ZFPM2: variants seen among roughly 807,000 people sequenced by gnomAD.
ZFPM2 encodes the protein zinc finger protein, FOG family member 2.
In ZFPM2, 20 loss-of-function variants were observed where a neutral mutation model predicts 98.6. That is an observed-to-expected ratio of 0.20 (90% CI 0.14 to 0.29). ZFPM2 has a LOEUF of 0.29. Ranked by LOEUF, ZFPM2 falls within the 10% of genes least tolerant of loss-of-function variation. The pLI is 1.00. For synonymous variants in ZFPM2, 518 were observed against 502.7 expected, an observed-to-expected ratio of 1.03 and a Z score of -0.41; for missense variants, 1,310 against 1,388.6, an observed-to-expected ratio of 0.94 and a Z score of 0.90.
chr8:105,613,483 C>A (rs765598017), intron 4 of ZFPM2, among the ~76,000 whole-genome samples: 4 of 151,960 alleles, frequency 2.6e-5, no homozygotes, highest in Non-Finnish European at 5.9e-5. Context: ...AATACAGGAA[C>A]AATTTTGCAA....
chr8:105,790,140 T>A (rs1319239596), intron 6 of ZFPM2, among the ~76,000 whole-genome samples: 4 of 151,786 alleles, frequency 2.6e-5, no homozygotes, highest in Admixed American at 1.3e-4. Context: ...TTTTGGTGTT[T>A]TAGACATGAA....
intron 3 of ZFPM2, among the ~76,000 whole-genome samples, chr8:105,554,199 T>C (rs1348208863): frequency 6.6e-6 from 1 of 152,168 alleles, no homozygotes; most frequent in African/African-American, 2.4e-5. Flanking sequence ...GATGGATCAA[T>C]ATAGCATAAT....
intron 3 of ZFPM2, among the ~76,000 whole-genome samples, chr8:105,538,638 T>A (rs1814512273): frequency 6.8e-6 from 1 of 147,616 alleles, no homozygotes; most frequent in Admixed American, 6.8e-5. Flanking sequence ...TATTATGGGC[T>A]TTTTTTTTTA....
chr8:105,744,032 T>G (rs1189054741), intron 5 of ZFPM2, among the ~76,000 whole-genome samples: 1 of 152,086 alleles, frequency 6.6e-6, no homozygotes, highest in Non-Finnish European at 1.5e-5. Context: ...TCAAATTAAG[T>G]AAACCTTAAA....
At chr8:105,406,992 T>TG (rs532181920) in intron 1 of ZFPM2, among the ~76,000 whole-genome samples, 59 of 151,942 alleles carry the variant, frequency 3.9e-4, no homozygotes, top group African/African-American at 1.4e-3. Context: ...AGGAAGGTGG[T>TG]GTGGTATGAT....
chr8:105,459,582 A>G (rs1479976182), intron 3 of ZFPM2, among the ~76,000 whole-genome samples: 1 of 152,130 alleles, frequency 6.6e-6, no homozygotes, highest in African/African-American at 2.4e-5. Context: ...GGAAGTCCAA[A>G]ATCAAGGTAT....
intron 4 of ZFPM2, among the ~76,000 whole-genome samples, chr8:105,609,229 A>G (rs1195644224): frequency 1.3e-5 from 2 of 152,096 alleles, no homozygotes; most frequent in Non-Finnish European, 2.9e-5. Flanking sequence ...GATGGGTTCA[A>G]ACTGGTAGAG....
At chr8:105,713,933 T>C (rs755741618) in intron 5 of ZFPM2, among the ~76,000 whole-genome samples, 4 of 152,098 alleles carry the variant, frequency 2.6e-5, no homozygotes, top group Non-Finnish European at 4.4e-5. Flanking sequence ...TTGCTTTGGC[T>C]ACTTGGGCTC....
intron 5 of ZFPM2, among the ~76,000 whole-genome samples, chr8:105,727,524 C>T (rs1811840829): frequency 6.6e-6 from 1 of 151,576 alleles, no homozygotes; most frequent in Non-Finnish European, 1.5e-5. Context: ...ATTATGCAAC[C>T]AGTAGTTTTA....
intron 3 of ZFPM2, among the ~76,000 whole-genome samples, chr8:105,491,727 G>T (rs1255378848): frequency 6.6e-6 from 1 of 152,046 alleles, no homozygotes; most frequent in Non-Finnish European, 1.5e-5. Flanking sequence ...AAGATTTTCT[G>T]TTTTTTTCCC....
At chr8:105,428,722 CGA>C (rs1811960838) in intron 2 of ZFPM2, among the ~76,000 whole-genome samples, 1 of 151,902 alleles carries the variant, frequency 6.6e-6, no homozygotes, top group Non-Finnish European at 1.5e-5. Flanking sequence ...AAATAAAAAA[CGA>C]AGAAAGGAAG....
chr8:105,492,989 A>T (rs1813386679), intron 3 of ZFPM2, among the ~76,000 whole-genome samples: 1 of 152,066 alleles, frequency 6.6e-6, no homozygotes, highest in Non-Finnish European at 1.5e-5. Context: ...TTTGTCATTG[A>T]CTCAGTTTTG....
At chr8:105,346,590 CTT>C (rs1812541578) in intron 1 of ZFPM2, among the ~76,000 whole-genome samples, 1 of 152,074 alleles carries the variant, frequency 6.6e-6, no homozygotes, top group Admixed American at 6.5e-5. Context: ...GGAAGGAAAA[CTT>C]TCATTGAGAG....
At chr8:105,552,905 G>C (rs1196850067) in intron 3 of ZFPM2, among the ~76,000 whole-genome samples, 2 of 150,616 alleles carry the variant, frequency 1.3e-5, no homozygotes, top group East Asian at 3.9e-4. Flanking sequence ...TCCCCCCCGG[G>C]CTCAAGCAAT....
intron 4 of ZFPM2, among the ~76,000 whole-genome samples, chr8:105,589,328 A>G (rs999250703): frequency 1.3e-5 from 2 of 152,224 alleles, no homozygotes; most frequent in Non-Finnish European, 2.9e-5. Flanking sequence ...GCACATAACA[A>G]TACATTTCTC....
intron 1 of ZFPM2, among the ~76,000 whole-genome samples, chr8:105,360,433 C>T (rs1812834223): frequency 6.6e-6 from 1 of 152,032 alleles, no homozygotes; most frequent in African/African-American, 2.4e-5. Flanking sequence ...GCAGATATAA[C>T]ATAGCTTGTT....
At chr8:105,465,787 C>T (rs1187349314) in intron 3 of ZFPM2, among the ~76,000 whole-genome samples, 1 of 151,888 alleles carries the variant, frequency 6.6e-6, no homozygotes, top group Non-Finnish European at 1.5e-5. Context: ...GATTAGCTAG[C>T]CACTTCATCT....
chr8:105,650,660 G>C (rs1209495225), intron 5 of ZFPM2, among the ~76,000 whole-genome samples: 1 of 152,196 alleles, frequency 6.6e-6, no homozygotes, highest in Non-Finnish European at 1.5e-5. Flanking sequence ...GGAGCAGGTT[G>C]TTCAGTTTCC....
chr8:105,692,439 A>C (rs1395950853), intron 5 of ZFPM2, among the ~76,000 whole-genome samples: 1 of 152,228 alleles, frequency 6.6e-6, no homozygotes, highest in Non-Finnish European at 1.5e-5. Context: ...AATTTTAAAG[A>C]CCACTGGCAT....
Sources: gnomAD v4.1 joint callset for allele counts (sites outside exome capture counted in the v4.1 genomes callset) on GRCh38, gnomAD v4.1.1 for gene constraint, MANE v1.5 for transcripts, NCBI Gene and HGNC (gene_info 2026-07-23, HGNC 2026-07-21) for gene names.